The following AGBL4 variants were observed in gnomAD, a reference collection of about 807,000 sequenced individuals.
AGBL4 encodes the protein cytosolic carboxypeptidase 6.
A neutral mutation model predicts 66.4 loss-of-function variants in AGBL4; 58 were observed. The observed-to-expected ratio is 0.87, with a 90% confidence interval of 0.71 to 1.09. The LOEUF (loss-of-function observed/expected upper bound fraction) is 1.09. Ranked by LOEUF, AGBL4 falls within the 50% of genes least tolerant of loss-of-function variation. AGBL4 has a pLI of 0.00. For missense variants in AGBL4, 579 were observed against 631.0 expected, an observed-to-expected ratio of 0.92 and a Z score of 0.88; for synonymous variants, 234 against 222.9, an observed-to-expected ratio of 1.05 and a Z score of -0.44.
intron 3 of AGBL4, among the ~76,000 whole-genome samples, chr1:49,496,270 A>G (rs981060665): frequency 6.6e-6 from 1 of 152,038 alleles, no homozygotes; most frequent in African/African-American, 2.4e-5. Flanking sequence ...ATTGGCAAAA[A>G]TATTGTATAC....
chr1:48,579,222 T>G, intron 11 of AGBL4, among the ~76,000 whole-genome samples: 1 of 151,704 alleles, frequency 6.6e-6, no homozygotes, highest in East Asian at 1.9e-4. Context: ...ATCATATTGT[T>G]TTTTATTTTT....
Position 49,383,846 on chromosome 1 carries a change from G to A in AGBL4, c.283-137982C>T, listed in dbSNP as rs552721177. Among the ~76,000 whole-genome samples, 3 of 151,984 alleles carry A rather than the reference G, an allele frequency of 2.0e-5. No individual in the cohort carries two copies. The South Asian group carries it at 6.2e-4, about 32-fold the overall frequency. On this transcript the variant is annotated intron_variant, in intron 3 of 13. Transcript: ENST00000371839. ...GGTGTCTTGCTCTGTTGCCAGGCTG[G>A]AGTACAGTGGCGTGATCTTGGCTCA...
At chr1:48,914,601 T>G (rs148073910) in intron 5 of AGBL4, among the ~76,000 whole-genome samples, 1 of 152,234 alleles carries the variant, frequency 6.6e-6, no homozygotes, top group Admixed American at 6.5e-5. Context: ...AACACAGGCA[T>G]GTAGTTAATA....
At chr1:49,683,826 T>C (rs1013776260) in intron 3 of AGBL4, among the ~76,000 whole-genome samples, 2 of 152,154 alleles carry the variant, frequency 1.3e-5, no homozygotes, top group African/African-American at 2.4e-5. Context: ...AAGTTAAAAA[T>C]AGGACTGCAA....
chr1:49,566,827 C>G (rs1190833640), intron 3 of AGBL4, among the ~76,000 whole-genome samples: 1 of 152,178 alleles, frequency 6.6e-6, no homozygotes, highest in African/African-American at 2.4e-5. Flanking sequence ...TCAAAGCTGT[C>G]AGACAGGGAC....
intron 5 of AGBL4, among the ~76,000 whole-genome samples, chr1:48,946,062 C>T (rs753736291): frequency 6.7e-4 from 102 of 152,320 alleles, no homozygotes; most frequent in Non-Finnish European, 1.1e-3. Context: ...ACGAGGAACA[C>T]CATTCTCTTC....
intron 2 of AGBL4, among the ~76,000 whole-genome samples, chr1:49,701,300 A>AT (rs546962968): frequency 1.3e-3 from 201 of 152,244 alleles, no homozygotes; most frequent in African/African-American, 4.6e-3. Flanking sequence ...TCAAAAAAAA[A>AT]AAATGTAATG....
rs79374920 is a variant in AGBL4, at chr1:49,368,737, T to A, written c.283-122873A>T. Among the ~76,000 whole-genome samples, 223 of 152,276 alleles carry A rather than the reference T, an allele frequency of 1.5e-3. 9 individuals are homozygous for A. The East Asian group carries it at 0.039, about 27-fold the overall frequency. The stretch of plus-strand genomic sequence containing the variant: ...TTTTATGTTGCTATGCATTGGATAT[T>A]TTCACAGGTAGTATTATATTTAATT... On this transcript the variant is annotated intron_variant, in intron 3 of 13. Coordinates refer to ENST00000371839, the MANE Select transcript of AGBL4 (RefSeq NM_032785.4).
At chr1:48,696,728 G>C (rs1382227659) in intron 6 of AGBL4, among the ~76,000 whole-genome samples, 1 of 152,214 alleles carries the variant, frequency 6.6e-6, no homozygotes, top group African/African-American at 2.4e-5. Flanking sequence ...CATCACCGGA[G>C]TGAGAAAGTG....
chr1:48,651,580 C>T (rs1645930906), intron 8 of AGBL4, among the ~76,000 whole-genome samples: 1 of 152,210 alleles, frequency 6.6e-6, no homozygotes, highest in African/African-American at 2.4e-5. Context: ...ACTCTCAGGC[C>T]TGCAACAAGC....
chr1:49,530,085 C>A (rs909425960), intron 3 of AGBL4, among the ~76,000 whole-genome samples: 1 of 151,578 alleles, frequency 6.6e-6, no homozygotes, highest in African/African-American at 2.4e-5. Context: ...TGCTTCTGTA[C>A]ATGGTATGAA....
intron 2 of AGBL4, among the ~76,000 whole-genome samples, chr1:49,741,517 A>T (rs1449735183): frequency 6.6e-6 from 1 of 152,208 alleles, no homozygotes; most frequent in Non-Finnish European, 1.5e-5. Flanking sequence ...TCCAATCAAT[A>T]GAAAAGGAGG....
chr1:49,836,168 T>C (rs1484107940), intron 2 of AGBL4, among the ~76,000 whole-genome samples: 1 of 152,208 alleles, frequency 6.6e-6, no homozygotes, highest in African/African-American at 2.4e-5. Flanking sequence ...TCCTGAAGTG[T>C]GTTTTCCAAC....
At chr1:48,999,934 G>A (rs1276623651) in intron 5 of AGBL4, among the ~76,000 whole-genome samples, 1 of 152,054 alleles carries the variant, frequency 6.6e-6, no homozygotes, top group Admixed American at 6.6e-5. Context: ...CCTAGAAATA[G>A]ACTAGTTCTT....
chr1:49,783,691 G>A (rs1644387561), intron 2 of AGBL4, among the ~76,000 whole-genome samples: 1 of 152,048 alleles, frequency 6.6e-6, no homozygotes, highest in Non-Finnish European at 1.5e-5. Flanking sequence ...GGCATTCACA[G>A]TAGAAAGGAG....
intron 2 of AGBL4, among the ~76,000 whole-genome samples, chr1:49,697,990 A>G (rs1266058161): frequency 2.0e-5 from 3 of 152,192 alleles, no homozygotes; most frequent in Non-Finnish European, 4.4e-5. Flanking sequence ...TAAGAATAAC[A>G]CAATCATGAA....
intron 6 of AGBL4, among the ~76,000 whole-genome samples, chr1:48,751,545 T>A (rs533363409): frequency 1.6e-4 from 25 of 152,218 alleles, no homozygotes; most frequent in Admixed American, 1.3e-3. Flanking sequence ...TTGTTTTATA[T>A]ATGGAAAGTA....
chr1:49,797,146 G>A lies in AGBL4; in HGVS notation c.157+54250C>T, dbSNP rs376659622. Among the ~76,000 whole-genome samples the A allele has an allele frequency of 1.9e-3, 290 of 152,072 alleles. 2 individuals are homozygous for A. Among genetic ancestry groups the A allele is most frequent in the South Asian group, 9.8e-3 (47 of 4,806 alleles). On this transcript the variant is annotated intron_variant, in intron 2 of 13. Coordinates refer to ENST00000371839, the MANE Select transcript of AGBL4 (RefSeq NM_032785.4). ...ATCAACTTTCTATTCATAAAATAACGATATTAGTAAATCCTGCCAATTTCA... is the reference window on the plus strand; with the variant it reads ...ATCAACTTTCTATTCATAAAATAACAATATTAGTAAATCCTGCCAATTTCA...
intron 4 of AGBL4, among the ~76,000 whole-genome samples, chr1:49,114,715 G>C (rs1165148676): frequency 6.6e-6 from 1 of 151,874 alleles, no homozygotes. Flanking sequence ...TTATTAATTG[G>C]CCTAATTTTA....
Sources: allele counts gnomAD v4.1 joint callset (sites outside exome capture counted in the v4.1 genomes callset), GRCh38; gene constraint gnomAD v4.1.1; transcripts MANE v1.5; gene names NCBI Gene and HGNC (gene_info 2026-07-23, HGNC 2026-07-21).